Variants in TBC1D32 observed in about 807,000 individuals in gnomAD.
TBC1D32 encodes the protein protein broad-minded.
In TBC1D32, 151 loss-of-function variants were observed where a neutral mutation model predicts 170.3. The observed-to-expected ratio is 0.89, with a 90% CI of 0.78 to 1.01. TBC1D32 has a LOEUF of 1.01. Ranked by LOEUF, TBC1D32 falls within the 50% of genes least tolerant of loss-of-function variation. TBC1D32 has a pLI of 0.00. For synonymous variants in TBC1D32, 498 were observed against 488.0 expected, an observed-to-expected ratio of 1.02 and a Z score of -0.27; for missense variants, 1,464 against 1,457.1, an observed-to-expected ratio of 1.00 and a Z score of -0.08.
chr6:121,240,385 T>TTTTTTTA (rs71018118), intron 19 of TBC1D32, among the ~76,000 whole-genome samples: 5 of 142,650 alleles, frequency 3.5e-5, no homozygotes, highest in Non-Finnish European at 4.6e-5. Context: ...TTTTTTTTTT[T>TTTTTTTA]ACCAAGAAAC....
intron 22 of TBC1D32, among the ~76,000 whole-genome samples, chr6:121,182,495 C>A (rs1170718589): frequency 3.3e-5 from 5 of 151,926 alleles, no homozygotes; most frequent in Non-Finnish European, 5.9e-5. Flanking sequence ...CCATTTGGTA[C>A]TCAATTATGT....
chr6:121,168,605 T>A (rs1786444534), intron 22 of TBC1D32, among the ~76,000 whole-genome samples: 1 of 124,750 alleles, frequency 8.0e-6, no homozygotes, highest in Non-Finnish European at 1.7e-5. Context: ...GAGATATACC[T>A]AATGCTAGAT....
chr6:121,294,793 G>T, intron 10 of TBC1D32, 133 bp from the exon 11 acceptor site: 1 of 700,640 alleles, frequency 1.4e-6, no homozygotes, highest in Non-Finnish European at 2.5e-6. Flanking sequence ...TACCTTTCTA[G>T]CCCTTAAAGC....
At chr6:121,199,224 A>G (rs1211199467) in intron 22 of TBC1D32, among the ~76,000 whole-genome samples, 3 of 151,502 alleles carry the variant, frequency 2.0e-5, no homozygotes, top group Non-Finnish European at 2.9e-5. Context: ...TAAAAATAAA[A>G]AAACACCTAC....
intron 26 of TBC1D32, among the ~76,000 whole-genome samples, chr6:121,117,943 T>C (rs1226564555): frequency 2.6e-5 from 4 of 151,890 alleles, no homozygotes; most frequent in Non-Finnish European, 4.4e-5. Flanking sequence ...ATAAAATCGA[T>C]GGGGAAAAAT....
At chr6:121,210,322 T>C (rs1792881559) in intron 21 of TBC1D32, among the ~76,000 whole-genome samples, 1 of 152,186 alleles carries the variant, frequency 6.6e-6, no homozygotes, top group Admixed American at 6.5e-5. Context: ...AATACATAAA[T>C]TAACATTTTT....
intron 10 of TBC1D32, 27 bp downstream of exon 10, chr6:121,299,419 A>G: frequency 1.4e-6 from 2 of 1,479,474 alleles, no homozygotes; most frequent in Non-Finnish European, 1.8e-6. Context: ...ATTATTTCTC[A>G]ACATAAAAAC....
chr6:121,309,024 C>A (rs1807775965), intron 4 of TBC1D32, among the ~76,000 whole-genome samples: 1 of 152,008 alleles, frequency 6.6e-6, no homozygotes, highest in Non-Finnish European at 1.5e-5. Flanking sequence ...GAGACAGGAG[C>A]CAAAACCTCA....
chr6:121,105,590 A>T (rs1041442870), intron 30 of TBC1D32, among the ~76,000 whole-genome samples: 2 of 151,940 alleles, frequency 1.3e-5, no homozygotes, highest in African/African-American at 4.8e-5. Flanking sequence ...GAGGCCCTAG[A>T]AAAAAACATT....
chr6:121,299,473 T>C lies in TBC1D32; in HGVS notation c.1113A>G (p.Arg371=). ...HAHYSRTTVL[R]LLETKYKSLV... ...GAGACTTATATTTCGTTTCAAGAAG[T>C]CTTAATACTGTAGTTCTGCTATAAT... Residue 371 remains arginine (R), a synonymous_variant, in exon 10 of 32, where the codon AGA becomes AGG. Coordinates refer to ENST00000398212, the MANE Select transcript of TBC1D32 (RefSeq NM_152730.6). The C allele has an allele frequency of 6.6e-7, 1 of 1,512,540 alleles. No individual in the cohort carries two copies. Among genetic ancestry groups the C allele is most frequent in the African/African-American group, 1.4e-5 (1 of 73,374 alleles). 93.7% of individuals were successfully genotyped at this position (1,512,540 alleles called of 1,614,324 possible).
rs547407419 is a variant in TBC1D32 at position 121,270,622 on chromosome 6, G to C, written c.1733+8499C>G. ...TCTGAACTTGAGGCAATAATTAATA[G>C]CCTACCAACCAAAAAAAGTCCAGGA... On this transcript the variant is annotated intron_variant, in intron 15 of 31. Transcript: ENST00000398212. Among the ~76,000 whole-genome samples the C allele has an allele frequency of 5.8e-3, 889 of 152,148 alleles. 9 individuals are homozygous for C. Among genetic ancestry groups the C allele is most frequent in the African/African-American group, 0.02 (840 of 41,490 alleles).
At chr6:121,105,895 A>G in intron 30 of TBC1D32, 128 bp downstream of exon 30, 1 of 1,069,230 alleles carries the variant, frequency 9.4e-7, no homozygotes, top group Non-Finnish European at 1.3e-6. Flanking sequence ...TGGGGAGAAA[A>G]GCTAGCTTGA....
intron 29 of TBC1D32, among the ~76,000 whole-genome samples, chr6:121,110,352 T>C (rs1194461017): frequency 6.6e-6 from 1 of 151,658 alleles, no homozygotes; most frequent in Non-Finnish European, 1.5e-5. Flanking sequence ...TTGGGACACA[T>C]CTATGAACAA....
intron 15 of TBC1D32, among the ~76,000 whole-genome samples, chr6:121,267,511 C>T (rs1296490288): frequency 6.6e-6 from 1 of 152,146 alleles, no homozygotes; most frequent in Non-Finnish European, 1.5e-5. Context: ...ACAGAGCCTC[C>T]CTCACGGCTA....
At chr6:121,240,605 T>C (rs1796850063) in intron 19 of TBC1D32, among the ~76,000 whole-genome samples, 1 of 151,680 alleles carries the variant, frequency 6.6e-6, no homozygotes, top group African/African-American at 2.4e-5. Flanking sequence ...ATAAGACATA[T>C]TGGCCGGGTG....
At chr6:121,207,656 AC>A (rs1166042245) in intron 21 of TBC1D32, among the ~76,000 whole-genome samples, 3 of 152,216 alleles carry the variant, frequency 2.0e-5, no homozygotes, top group Non-Finnish European at 4.4e-5. Flanking sequence ...CTTCCCAGCA[AC>A]AAACTAGTGC....
chr6:121,334,645 T>A (rs1811662787), upstream of TBC1D32: 3 of 596,054 alleles, frequency 5.0e-6, no homozygotes, highest in Admixed American at 3.0e-5. Flanking sequence ...CCGCGAGGTC[T>A]CGCCTCTGGT....
intron 8 of TBC1D32, 145 bp from the exon 9 acceptor site, chr6:121,303,906 T>C (rs1806910503): frequency 8.1e-6 from 4 of 496,152 alleles, no homozygotes; most frequent in Non-Finnish European, 1.3e-5. Flanking sequence ...TACTCAATGT[T>C]TCTGCTTTAA....
chr6:121,274,472 GA>G (rs1801959981), intron 15 of TBC1D32, among the ~76,000 whole-genome samples: 1 of 147,172 alleles, frequency 6.8e-6, no homozygotes, highest in Non-Finnish European at 1.5e-5. Context: ...ATAGAAAATA[GA>G]ACAGATAAGA....
Sources: allele counts gnomAD v4.1 joint callset (sites outside exome capture counted in the v4.1 genomes callset), GRCh38; gene constraint gnomAD v4.1.1; transcripts MANE v1.5; gene names NCBI Gene and HGNC (gene_info 2026-07-23, HGNC 2026-07-21).